Variants in ZCCHC3 observed in about 807,000 individuals in gnomAD.
ZCCHC3 encodes the protein zinc finger CCHC-type containing 3.
In ZCCHC3, 20 loss-of-function variants were observed where a neutral mutation model predicts 18.4. The ratio of observed to expected loss-of-function variants is 1.09; its 90% CI spans 0.76 to 1.58. The LOEUF (loss-of-function observed/expected upper bound fraction) is 1.58, where lower values mean the gene tolerates loss of function less well. ZCCHC3 is among the 40% of genes most tolerant of loss of function. The probability of loss-of-function intolerance (pLI) is 0.00; values close to 1 mark genes in which losing one functional copy is unlikely to be tolerated. For synonymous variants in ZCCHC3, 310 were observed against 232.7 expected (o/e 1.33, Z -3.02); for missense variants, 548 against 511.2 (o/e 1.07, Z -0.69).
chr20:297,577 A>C lies in ZCCHC3; in HGVS notation c.-10A>C. 3.0e-6 allele frequency: 4 copies of C among 1,349,812 alleles called. No individual in the cohort carries two copies. Among genetic ancestry groups the C allele is most frequent in the Non-Finnish European group, 3.8e-6 (4 of 1,046,960 alleles). The allele number at this position is 1,349,812 out of a possible 1,614,324, so 83.6% of individuals were successfully genotyped here. A position where few individuals can be genotyped will look rare whatever the true frequency, so the allele number is the denominator to read the frequency against. ...CGGGAGCGAGTGGAGGATGCTGGGA[A>C]GGAGGTAAAATGGCCACCGGCGGCG... On this transcript the variant is annotated 5_prime_UTR_variant, in exon 1 of 1. Coordinates refer to ENST00000500893, the MANE Select transcript of ZCCHC3 (RefSeq NM_033089.7).
In ZCCHC3 at chr20:298,812, TGCCAGGGTGAACACACA is replaced by T; in HGVS notation, c.*20_*36del. 6.7e-7 allele frequency: 1 copy of T among 1,501,534 alleles called. No homozygotes were observed. The highest frequency in any genetic ancestry group is 1.4e-5 in the South Asian group (1 of 73,408). The allele number at this position is 1,501,534 out of a possible 1,614,324, so 93.0% of individuals were successfully genotyped here. ...GCCGGGCACTAAACACCCGCCTGCC[TGCCAGGGTGAACACACA>T]GCCAGCTTATCCCTCTTAAGTGCCA... On this transcript the variant is annotated 3_prime_UTR_variant, in exon 1 of 1. Coordinates refer to ENST00000500893, the MANE Select transcript of ZCCHC3 (RefSeq NM_033089.7).
In ZCCHC3 at chr20:297,974, G is replaced by A. The variant is rs945540724; in HGVS notation, c.388G>A (p.Ala130Thr). ...AGRRKKAEAA[A>T]AAMATPARPG... is the part of the protein sequence containing the mutation. The stretch of plus-strand genomic sequence containing the variant: ...CAGGAGGAAGAAGGCCGAGGCGGCG[G>A]CGGCCGCCATGGCGACCCCGGCCAG... The change falls in exon 1 of 1, where the codon GCG becomes ACG. Residue 130 changes from alanine to threonine, a missense_variant. Ala to Thr is a moderately conservative substitution (Grantham distance 58). Transcript: ENST00000500893. The A allele has an allele frequency of 1.0e-4, 135 of 1,305,958 alleles. No homozygotes were observed. The highest frequency in any genetic ancestry group is 1.3e-4 in the Non-Finnish European group (132 of 1,032,710). 80.9% of individuals were successfully genotyped at this position (1,305,958 alleles called of 1,614,324 possible).
chr20:298,885 T>C lies in ZCCHC3; in HGVS notation c.*87T>C. On this transcript the variant is annotated 3_prime_UTR_variant, in exon 1 of 1. Coordinates refer to ENST00000500893, the MANE Select transcript of ZCCHC3 (RefSeq NM_033089.7). Reference sequence around the variant, plus strand: ...TTTTTTTAAACCATTTTTTATCGTTTTTGAAGGAGATCTTTTTAAAACCTA... The same window carrying C: ...TTTTTTTAAACCATTTTTTATCGTTCTTGAAGGAGATCTTTTTAAAACCTA... 2.1e-6 allele frequency: 3 copies of C among 1,416,036 alleles called. No homozygotes were observed. Among genetic ancestry groups the C allele is most frequent in the Admixed American group, 2.9e-5 (1 of 34,352 alleles). 87.7% of individuals were successfully genotyped at this position (1,416,036 alleles called of 1,614,324 possible).
At position 297,762 on chromosome 20, in the gene ZCCHC3, C is replaced by T. The variant is rs1316738034; in HGVS notation, c.176C>T (p.Pro59Leu). The change falls in exon 1 of 1, where the codon CCG (proline) becomes CTG (leucine). Residue 59 changes from proline to leucine, a missense_variant. Physicochemically the swap from Pro to Leu is moderately conservative, Grantham distance 98. Coordinates refer to ENST00000500893, the MANE Select transcript of ZCCHC3 (RefSeq NM_033089.7). ...AAGGGCGAATTCCGCGAGCCGCGGCCGCCGCGGCGGGAGGAGGAAAGCGGC... is the reference window on the plus strand; with the variant it reads ...AAGGGCGAATTCCGCGAGCCGCGGCTGCCGCGGCGGGAGGAGGAAAGCGGC... Reference protein sequence around the residue: ...EKKGEFREPRPPRREEESGGG... With the variant: ...EKKGEFREPRLPRREEESGGG... The T allele has an allele frequency of 2.2e-6, 3 of 1,373,462 alleles. No homozygotes were observed. Among genetic ancestry groups the T allele is most frequent in the African/African-American group, 3.1e-5 (2 of 65,348 alleles). 85.1% of individuals were successfully genotyped at this position (1,373,462 alleles called of 1,614,324 possible).
In ZCCHC3 at chr20:298,850, T is replaced by C; in HGVS notation, c.*52T>C. The C allele has an allele frequency of 6.8e-7, 1 of 1,467,800 alleles. No homozygotes were observed. The highest frequency in any genetic ancestry group is 2.5e-5 in the East Asian group (1 of 40,526). The allele number at this position is 1,467,800 out of a possible 1,614,324, so 90.9% of individuals were successfully genotyped here. ...ACACAGCCAGCTTATCCCTCTTAAG[T>C]GCCAAAACTTTTTTTTAAACCATTT... On this transcript the variant is annotated 3_prime_UTR_variant, in exon 1 of 1. Coordinates refer to ENST00000500893, the MANE Select transcript of ZCCHC3 (RefSeq NM_033089.7).
chr20:298,718 C>A lies in ZCCHC3; in HGVS notation c.1132C>A (p.Arg378=), dbSNP rs1315317433. 1.2e-6 allele frequency: 2 copies of A among 1,606,144 alleles called. No homozygotes were observed. The highest frequency in any genetic ancestry group is 1.7e-5 in the Admixed American group (1 of 59,002). Residue 378 remains arginine (R), a synonymous_variant, in exon 1 of 1, where the codon CGA becomes AGA. Transcript: ENST00000500893. ...KGIVCNLCGK[R]GHAFAQCPKA... ...CATCGTGTGCAACCTCTGTGGCAAG[C>A]GAGGACACGCCTTTGCCCAGTGTCC...
chr20:298,918 C>A lies in ZCCHC3; in HGVS notation c.*120C>A. The A allele has an allele frequency of 8.4e-7, 1 of 1,193,068 alleles. No homozygotes were observed. The highest frequency in any genetic ancestry group is 1.1e-6 in the Non-Finnish European group (1 of 888,012). The allele number at this position is 1,193,068 out of a possible 1,614,324, so 73.9% of individuals were successfully genotyped here. The stretch of plus-strand genomic sequence containing the variant: ...AGATCTTTTTAAAACCTACAAGAGA[C>A]ATCTCTCTATGCCTTCTTAAACCGA... On this transcript the variant is annotated 3_prime_UTR_variant, in exon 1 of 1. Transcript: ENST00000500893.
At position 298,083 on chromosome 20, in the gene ZCCHC3, T is replaced by G. The variant is rs1485269246; in HGVS notation, c.497T>G (p.Leu166Arg). Residue 166 changes from leucine to arginine, a missense_variant, in exon 1 of 1, where the codon CTC (leucine) becomes CGC (arginine). Leu to Arg is a moderately radical substitution (Grantham distance 102, BLOSUM62 -2). Coordinates refer to ENST00000500893, the MANE Select transcript of ZCCHC3 (RefSeq NM_033089.7). ...AAAGPGKGRF[L>R]VRICFQGDEG... ...GCAGGCCCGGGCAAGGGTCGCTTCC[T>G]CGTCCGCATCTGTTTCCAGGGAGAC... 2 of 1,570,312 alleles carry G rather than the reference T, an allele frequency of 1.3e-6. No homozygotes were observed. The highest frequency in any genetic ancestry group is 1.7e-6 in the Non-Finnish European group (2 of 1,160,852).
chr20:298,039 G>C lies in ZCCHC3; in HGVS notation c.453G>C (p.Gln151His). 1 of 1,495,858 alleles carries C rather than the reference G, an allele frequency of 6.7e-7. No individual in the cohort carries two copies. Among genetic ancestry groups the C allele is most frequent in the South Asian group, 1.3e-5 (1 of 78,480 alleles). The allele number at this position is 1,495,858 out of a possible 1,614,324, so 92.7% of individuals were successfully genotyped here. ...AGGACGCGGCCGAGCGGCCCCTCCA[G>C]GATGAGCCGGCGGCGGCGGCAGGCC... Reference protein sequence around the residue: ...EAEDAAERPLQDEPAAAAGPG... With the variant: ...EAEDAAERPLHDEPAAAAGPG... Residue 151 changes from glutamine to histidine, a missense_variant, in exon 1 of 1, where the codon CAG (glutamine) becomes CAC (histidine). Physicochemically the swap from Gln to His is conservative, Grantham distance 24. Coordinates refer to ENST00000500893, the MANE Select transcript of ZCCHC3 (RefSeq NM_033089.7).
rs1280513249 is a variant in ZCCHC3, at chr20:298,965, TC to T, written c.*168del. ...CCGAGTTTACTCCATTTCAGCCTGT[TC>T]TGAATTGGTGACTCTGTCACCAATA... On this transcript the variant is annotated 3_prime_UTR_variant, in exon 1 of 1. Transcript: ENST00000500893. 3.1e-6 allele frequency: 2 copies of T among 639,114 alleles called. No homozygotes were observed. The highest frequency in any genetic ancestry group is 4.8e-6 in the Non-Finnish European group (2 of 413,498). The allele number at this position is 639,114 out of a possible 1,614,324, so 39.6% of individuals were successfully genotyped here. A position where few individuals can be genotyped will look rare whatever the true frequency, so the allele number is the denominator to read the frequency against.
At position 297,731 on chromosome 20, in the gene ZCCHC3, GAGA is replaced by G. The variant is rs751885419; in HGVS notation, c.151_153del (p.Lys51del). 1.5e-6 allele frequency: 2 copies of G among 1,379,150 alleles called. No homozygotes were observed. The highest frequency in any genetic ancestry group is 1.7e-5 in the South Asian group (1 of 58,544). 85.4% of individuals were successfully genotyped at this position (1,379,150 alleles called of 1,614,324 possible). A position where few individuals can be genotyped will look rare whatever the true frequency, so the allele number is the denominator to read the frequency against. ...GGCCCAGGTGGTGAAGAATCTAGCC[GAGA>G]AGAAGGGCGAATTCCGCGAGCCGCG... On this transcript the variant is annotated inframe_deletion, in exon 1 of 1. Coordinates refer to ENST00000500893, the MANE Select transcript of ZCCHC3 (RefSeq NM_033089.7).
In ZCCHC3 at chr20:298,457, G is replaced by C; in HGVS notation, c.871G>C (p.Gly291Arg). 1.3e-6 allele frequency: 1 copy of C among 781,200 alleles called. No homozygotes were observed. The highest frequency in any genetic ancestry group is 2.4e-6 in the Non-Finnish European group (1 of 418,434). The allele number at this position is 781,200 out of a possible 1,614,324, so 48.4% of individuals were successfully genotyped here. A position where few individuals can be genotyped will look rare whatever the true frequency, so the allele number is the denominator to read the frequency against. The change falls in exon 1 of 1, where the codon GGG becomes CGG. Residue 291 changes from glycine to arginine, a missense_variant. Coordinates refer to ENST00000500893, the MANE Select transcript of ZCCHC3 (RefSeq NM_033089.7). ...AVPVKVTDRFGIWTGEYKCEI... is the reference protein window; with the variant it reads ...AVPVKVTDRFRIWTGEYKCEI... ...GCCGGTGAAAGTGACCGACAGGTTT[G>C]GGATCTGGACCGGGGAGTACAAATG...
chr20:297,595 C>G lies in ZCCHC3; in HGVS notation c.9C>G (p.Thr3=), dbSNP rs1260147950. 1.5e-6 allele frequency: 2 copies of G among 1,369,230 alleles called. No homozygotes were observed. Among genetic ancestry groups the G allele is most frequent in the South Asian group, 1.7e-5 (1 of 57,890 alleles). 84.8% of individuals were successfully genotyped at this position (1,369,230 alleles called of 1,614,324 possible). The change falls in exon 1 of 1, where the codon ACC becomes ACG. Residue 3 remains threonine (T), a synonymous_variant. Transcript: ENST00000500893. ...GCTGGGAAGGAGGTAAAATGGCCAC[C>G]GGCGGCGGCGCGGAGGAAGAGAGGA... MA[T]GGGAEEERKR...
chr20:298,649 A>G lies in ZCCHC3; in HGVS notation c.1063A>G (p.Arg355Gly). 1 of 1,311,712 alleles carries G rather than the reference A, an allele frequency of 7.6e-7. No homozygotes were observed. The highest frequency in any genetic ancestry group is 2.3e-5 in the East Asian group (1 of 43,484). 81.3% of individuals were successfully genotyped at this position (1,311,712 alleles called of 1,614,324 possible). A position where few individuals can be genotyped will look rare whatever the true frequency, so the allele number is the denominator to read the frequency against. ...SGSCTQDRCFRCGEEGHLSPY... is the reference protein window; with the variant it reads ...SGSCTQDRCFGCGEEGHLSPY... ...CAGCTGCACGCAGGACAGGTGCTTC[A>G]GGTGCGGGGAGGAGGGGCACCTGAG... Residue 355 changes from arginine to glycine, a missense_variant, in exon 1 of 1, where the codon AGG (arginine) becomes GGG (glycine). Arg to Gly is a moderately radical substitution (Grantham distance 125). Transcript: ENST00000500893.
In ZCCHC3 at chr20:298,432, G is replaced by A. The variant is rs2012684155; in HGVS notation, c.846G>A (p.Val282=). ...AGCGCCACTGCGACGTGCTGGCCGT[G>A]CCGGTGAAAGTGACCGACAGGTTTG... ...WLKRHCDVLA[V]PVKVTDRFGI... Residue 282 remains valine (V), a synonymous_variant, in exon 1 of 1, where the codon GTG becomes GTA. Transcript: ENST00000500893. 1.3e-6 allele frequency: 1 copy of A among 781,528 alleles called. No individual in the cohort carries two copies. Among genetic ancestry groups the A allele is most frequent in the South Asian group, 1.3e-5 (1 of 74,646 alleles). The allele number at this position is 781,528 out of a possible 1,614,324, so 48.4% of individuals were successfully genotyped here.
In ZCCHC3 at chr20:297,651, C is replaced by G. The variant is rs2012661750; in HGVS notation, c.65C>G (p.Ala22Gly). 9.5e-6 allele frequency: 13 copies of G among 1,367,658 alleles called. No individual in the cohort carries two copies. Among genetic ancestry groups the G allele is most frequent in the Non-Finnish European group, 1.1e-5 (12 of 1,059,284 alleles). The allele number at this position is 1,367,658 out of a possible 1,614,324, so 84.7% of individuals were successfully genotyped here. ...GGGCGGCCGCAGCTTCTGCCCCCCG[C>G]GCGGCCCGCGGCCCGGGGCGAGGAG... Reference protein sequence around the residue: ...KRGRPQLLPPARPAARGEEAD... With the variant: ...KRGRPQLLPPGRPAARGEEAD... The change falls in exon 1 of 1, where the codon GCG (alanine) becomes GGG (glycine). Residue 22 changes from alanine (A) to glycine (G), a missense_variant. Ala to Gly is a moderately conservative substitution (Grantham distance 60). Coordinates refer to ENST00000500893, the MANE Select transcript of ZCCHC3 (RefSeq NM_033089.7).
chr20:299,021 G>A lies in ZCCHC3; in HGVS notation c.*223G>A. ...CTGCGGAGAACTGTAGCGTGCAGAT[G>A]TGTTGCCCCTCCCTTTTAAAATTTT... On this transcript the variant is annotated 3_prime_UTR_variant, in exon 1 of 1. Transcript: ENST00000500893. 2.4e-6 allele frequency: 1 copy of A among 420,382 alleles called. No individual in the cohort carries two copies. The highest frequency in any genetic ancestry group is 4.3e-6 in the Non-Finnish European group (1 of 233,412). The allele number at this position is 420,382 out of a possible 1,614,324, so 26.0% of individuals were successfully genotyped here. A position where few individuals can be genotyped will look rare whatever the true frequency, so the allele number is the denominator to read the frequency against.
Position 299,435 on chromosome 20 carries a change from C to CA in ZCCHC3, c.*638dup, listed in dbSNP as rs1297866165. The CA allele has an allele frequency of 6.0e-6, 1 of 167,116 alleles. No homozygotes were observed. Among genetic ancestry groups the CA allele is most frequent in the Non-Finnish European group, 1.5e-5 (1 of 68,126 alleles). The allele number at this position is 167,116 out of a possible 1,614,324, so 10.4% of individuals were successfully genotyped here. A position where few individuals can be genotyped will look rare whatever the true frequency, so the allele number is the denominator to read the frequency against. On this transcript the variant is annotated 3_prime_UTR_variant, in exon 1 of 1. Transcript: ENST00000500893. ...GGGCCTCTCTTATGGCACAAAGATGCATGGACTTCATGACAGCTCTTTTGG... is the reference window on the plus strand; with the variant it reads ...GGGCCTCTCTTATGGCACAAAGATGCAATGGACTTCATGACAGCTCTTTTGG...
chr20:299,042 A>T lies in ZCCHC3; in HGVS notation c.*244A>T, dbSNP rs996262390. The T allele has an allele frequency of 7.0e-5, 28 of 397,260 alleles. No individual in the cohort carries two copies. The highest frequency in any genetic ancestry group is 3.2e-4 in the Admixed American group (7 of 21,974). The allele number at this position is 397,260 out of a possible 1,614,324, so 24.6% of individuals were successfully genotyped here. The stretch of plus-strand genomic sequence containing the variant: ...AGATGTGTTGCCCCTCCCTTTTAAA[A>T]TTTTATTTTCGTTTTTCTATTGGGT... On this transcript the variant is annotated 3_prime_UTR_variant, in exon 1 of 1. Coordinates refer to ENST00000500893, the MANE Select transcript of ZCCHC3 (RefSeq NM_033089.7).
Sources: gnomAD v4.1 joint callset for allele counts on GRCh38, gnomAD v4.1.1 for gene constraint, MANE v1.5 for transcripts, NCBI Gene and HGNC (gene_info 2026-07-23, HGNC 2026-07-21) for gene names.